The following KAZN variants were observed in gnomAD, a reference collection of about 807,000 sequenced individuals.
KAZN encodes kazrin.
KAZN carries 40 observed loss-of-function variants against 87.4 expected under a neutral mutation model. That is an observed-to-expected ratio of 0.46 (90% CI 0.36 to 0.60). KAZN has a LOEUF of 0.60. Ranked by LOEUF, KAZN falls within the 20% of genes least tolerant of loss-of-function variation. The pLI is 0.00. For synonymous variants in KAZN, 466 were observed against 458.3 expected (o/e 1.02, Z -0.22); for missense variants, 898 against 1,073.9 (o/e 0.84, Z 2.29).
intron 1 of KAZN, among the ~76,000 whole-genome samples, chr1:13,904,135 C>T (rs1221791744): frequency 1.3e-5 from 2 of 152,042 alleles, no homozygotes; most frequent in East Asian, 3.9e-4. Flanking sequence ...GTAGAGGGAT[C>T]CAAAGAAGGA....
intron 3 of KAZN, among the ~76,000 whole-genome samples, chr1:15,038,725 G>C (rs894366504): frequency 6.6e-6 from 1 of 152,168 alleles, no homozygotes; most frequent in Non-Finnish European, 1.5e-5. Flanking sequence ...TATAAGGCAT[G>C]ACCGTGACAG....
chr1:14,096,162 T>C (rs1644122334), intron 1 of KAZN, among the ~76,000 whole-genome samples: 1 of 152,230 alleles, frequency 6.6e-6, no homozygotes, highest in African/African-American at 2.4e-5. Flanking sequence ...GTTATTTTTA[T>C]AATAATTATA....
At chr1:14,496,752 G>A (rs1669964152) in intron 2 of KAZN, among the ~76,000 whole-genome samples, 1 of 151,836 alleles carries the variant, frequency 6.6e-6, no homozygotes, top group Non-Finnish European at 1.5e-5. Context: ...TTGAGACATA[G>A]GTGAAAATGT....
At chr1:14,225,846 T>A (rs1480652167) in intron 2 of KAZN, among the ~76,000 whole-genome samples, 2 of 152,266 alleles carry the variant, frequency 1.3e-5, no homozygotes, top group East Asian at 1.9e-4. Flanking sequence ...TTTCACCATA[T>A]GCAAAATTTA....
At chr1:13,961,856 A>G (rs1016146396) in intron 1 of KAZN, among the ~76,000 whole-genome samples, 1 of 152,186 alleles carries the variant, frequency 6.6e-6, no homozygotes, top group Non-Finnish European at 1.5e-5. Context: ...CAGTAAGGTC[A>G]TATTGAATGT....
chr1:14,832,543 A>C (rs2100884353), intron 1 of KAZN, among the ~76,000 whole-genome samples: 1 of 152,332 alleles, frequency 6.6e-6, no homozygotes, highest in East Asian at 1.9e-4. Context: ...TCCCTGGGCC[A>C]CACTGGAAGA....
chr1:14,433,695 T>C (rs745846282), intron 2 of KAZN, among the ~76,000 whole-genome samples: 11 of 152,064 alleles, frequency 7.2e-5, no homozygotes, highest in Admixed American at 2.6e-4. Flanking sequence ...CCATCTCTAC[T>C]AAAAAATACA....
chr1:14,045,284 C>T (rs917515051), intron 1 of KAZN, among the ~76,000 whole-genome samples: 4 of 152,142 alleles, frequency 2.6e-5, no homozygotes, highest in Admixed American at 2.6e-4. Flanking sequence ...TATCCAGTGG[C>T]TTCAGTATAT....
At chr1:14,896,649 C>A (rs1655311761) in intron 1 of KAZN, among the ~76,000 whole-genome samples, 1 of 152,144 alleles carries the variant, frequency 6.6e-6, no homozygotes, top group African/African-American at 2.4e-5. Flanking sequence ...AGCCTCAAAA[C>A]TCCCAGCAGT....
intron 2 of KAZN, among the ~76,000 whole-genome samples, chr1:14,298,115 C>T (rs1391236034): frequency 6.6e-6 from 1 of 152,104 alleles, no homozygotes; most frequent in Non-Finnish European, 1.5e-5. Context: ...GTCCCAACTA[C>T]TTGGGGGGCT....
chr1:13,950,317 C>T (rs181603823), intron 1 of KAZN, among the ~76,000 whole-genome samples: 13 of 152,206 alleles, frequency 8.5e-5, no homozygotes, highest in Non-Finnish European at 1.5e-4. Flanking sequence ...TGGCATCCCA[C>T]ATTGCCCCCA....
In KAZN at chr1:13,980,550, G is replaced by A. The variant is rs1409284631; in HGVS notation, c.91+86794G>A. On this transcript the variant is annotated intron_variant, in intron 1 of 16. Transcript: ENST00000636203. The stretch of plus-strand genomic sequence containing the variant: ...AGAGAAAATTTCATAAGAGTAAAAG[G>A]GTCTTTTCAGTAGGAACATATAGCA... 2.0e-5 allele frequency among the ~76,000 whole-genome samples: 3 copies of A among 152,136 alleles called. No homozygotes were observed. In the East Asian group the frequency reaches 5.8e-4, roughly 29 times the overall value.
At chr1:15,049,090 G>A (rs1674009853) in intron 4 of KAZN, among the ~76,000 whole-genome samples, 1 of 132,836 alleles carries the variant, frequency 7.5e-6, no homozygotes, top group Non-Finnish European at 1.5e-5. Flanking sequence ...TCCATGGGGT[G>A]ACGGCTTTGC....
At chr1:15,008,557 G>A (rs966362547) in intron 2 of KAZN, among the ~76,000 whole-genome samples, 4 of 152,222 alleles carry the variant, frequency 2.6e-5, no homozygotes, top group Non-Finnish European at 5.9e-5. Flanking sequence ...TCTTCGCAGA[G>A]GTCATTTCAT....
chr1:14,055,401 A>C (rs1480197038), intron 1 of KAZN, among the ~76,000 whole-genome samples: 1 of 152,208 alleles, frequency 6.6e-6, no homozygotes, highest in East Asian at 1.9e-4. Flanking sequence ...ATGTGGGTGC[A>C]TGATATATGT....
In KAZN at chr1:14,638,817, C is replaced by T. The variant is rs1224902542; in HGVS notation, c.226+39594C>T. 2.6e-5 allele frequency among the ~76,000 whole-genome samples: 4 copies of T among 152,168 alleles called. 1 individual carries two copies. The South Asian group carries it at 6.2e-4, about 24-fold the overall frequency. ...TCCTGGACAGACAGCAGCACCTCCC[C>T]TCTGATCTCCTTGCTTCTTGCCTTC... On this transcript the variant is annotated intron_variant, in intron 1 of 14. Coordinates refer to ENST00000376030, the MANE Select transcript of KAZN (RefSeq NM_201628.3).
chr1:14,924,015 C>T, intron 1 of KAZN: 1 of 689,894 alleles, frequency 1.4e-6, no homozygotes, highest in Non-Finnish European at 1.8e-6. Context: ...GGCGGCGCTC[C>T]CCGGGCACTG....
chr1:14,685,724 T>TA (rs1640914852), intron 1 of KAZN, among the ~76,000 whole-genome samples: 1 of 152,178 alleles, frequency 6.6e-6, no homozygotes, highest in African/African-American at 2.4e-5. Flanking sequence ...TTTAGTTAGA[T>TA]ACGGTCAAGA....
At chr1:14,505,100 C>T (rs1246519233) in intron 2 of KAZN, among the ~76,000 whole-genome samples, 5 of 152,152 alleles carry the variant, frequency 3.3e-5, no homozygotes, top group African/African-American at 1.2e-4. Flanking sequence ...GCTTCTCTGC[C>T]CACCTCTTAG....
Sources: gnomAD v4.1 joint callset for allele counts (sites outside exome capture counted in the v4.1 genomes callset) on GRCh38, gnomAD v4.1.1 for gene constraint, MANE v1.5 for transcripts, NCBI Gene and HGNC (gene_info 2026-07-23, HGNC 2026-07-21) for gene names.